The following SNAP91 variants were observed in gnomAD, a reference collection of about 807,000 sequenced individuals.
The protein encoded by SNAP91 is synaptosome associated protein 91, also known as clathrin coat assembly protein AP180.
In SNAP91, 27 loss-of-function variants were observed where a neutral mutation model predicts 100.3. The ratio of observed to expected loss-of-function variants is 0.27; its 90% confidence interval spans 0.20 to 0.37. SNAP91 has a LOEUF of 0.37. Among genes scored for constraint, SNAP91 ranks in the 10% least tolerant of loss-of-function variants. The pLI is 1.00. For missense variants in SNAP91, 986 were observed against 1,123.7 expected (o/e 0.88, Z 1.75); for synonymous variants, 404 against 398.6 (o/e 1.01, Z -0.16).
intron 7 of SNAP91, among the ~76,000 whole-genome samples, chr6:83,646,172 CA>C (rs1459462118): frequency 6.6e-6 from 1 of 152,138 alleles, no homozygotes; most frequent in Admixed American, 6.5e-5. Context: ...GTGTGTGGCA[CA>C]TCTTACTCTT....
intron 22 of SNAP91, among the ~76,000 whole-genome samples, chr6:83,585,528 C>T (rs900042708): frequency 4.7e-5 from 3 of 63,354 alleles, no homozygotes; most frequent in Non-Finnish European, 8.3e-5. Flanking sequence ...GACCTTGTTG[C>T]TTAAAAAAAA....
intron 7 of SNAP91, among the ~76,000 whole-genome samples, chr6:83,653,753 GA>G (rs1562519443): frequency 1.3e-5 from 2 of 152,180 alleles, no homozygotes; most frequent in Non-Finnish European, 2.9e-5. Context: ...TTAAGGTGCG[GA>G]GAGGGGAAGT....
chr6:83,680,588 T>C (rs2098975196), intron 2 of SNAP91, among the ~76,000 whole-genome samples: 2 of 152,166 alleles, frequency 1.3e-5, no homozygotes, highest in African/African-American at 4.8e-5. Context: ...TTTATAAATT[T>C]TGCATACCAC....
chr6:83,612,806 G>C (rs953132026), intron 11 of SNAP91, among the ~76,000 whole-genome samples: 1 of 149,276 alleles, frequency 6.7e-6, no homozygotes, highest in South Asian at 2.1e-4. Flanking sequence ...CAGGAGAATC[G>C]CTTGAACCTG....
At chr6:83,565,991 T>C (rs537872253) in intron 26 of SNAP91, among the ~76,000 whole-genome samples, 5 of 152,170 alleles carry the variant, frequency 3.3e-5, no homozygotes, top group Non-Finnish European at 7.3e-5. Context: ...TACGCTCATA[T>C]GGAAACTCAT....
chr6:83,647,969 T>A (rs2098019794), intron 7 of SNAP91, among the ~76,000 whole-genome samples: 1 of 152,140 alleles, frequency 6.6e-6, no homozygotes, highest in Admixed American at 6.5e-5. Context: ...CTGACAAAAG[T>A]CACCTCTTAA....
intron 2 of SNAP91, among the ~76,000 whole-genome samples, chr6:83,669,624 C>T (rs1301380732): frequency 1.3e-5 from 2 of 151,950 alleles, no homozygotes; most frequent in East Asian, 3.9e-4. Flanking sequence ...AAAGTTTCCC[C>T]ATACCCTTTA....
chr6:83,656,947 G>A, intron 6 of SNAP91, 82 bp from the exon 7 acceptor site: 1 of 604,270 alleles, frequency 1.7e-6, no homozygotes, highest in East Asian at 3.0e-5. Flanking sequence ...TGTCTCAAAT[G>A]ACTACTAAGA....
intron 2 of SNAP91, among the ~76,000 whole-genome samples, chr6:83,672,640 G>T (rs1364459919): frequency 6.6e-6 from 1 of 152,036 alleles, no homozygotes; most frequent in Non-Finnish European, 1.5e-5. Flanking sequence ...ATGTATAAAA[G>T]ACACTTAGTA....
chr6:83,559,853 T>C (rs974942773), intron 28 of SNAP91, among the ~76,000 whole-genome samples: 1 of 152,152 alleles, frequency 6.6e-6, no homozygotes, highest in African/African-American at 2.4e-5. Flanking sequence ...CCTGAATATC[T>C]GGATGTTCTC....
At chr6:83,638,475 T>C (rs968675424) in intron 8 of SNAP91, among the ~76,000 whole-genome samples, 1 of 152,176 alleles carries the variant, frequency 6.6e-6, no homozygotes, top group Admixed American at 6.5e-5. Flanking sequence ...AGGGAAATTA[T>C]CAGTTAAAGC....
chr6:83,598,608 A>T (rs145448942), intron 16 of SNAP91, among the ~76,000 whole-genome samples: 48 of 152,294 alleles, frequency 3.2e-4, no homozygotes, highest in African/African-American at 1.1e-3. Flanking sequence ...TCAAAAAGGC[A>T]TGTTTTAAAG....
At chr6:83,696,512 G>A (rs2099213673) in intron 2 of SNAP91, among the ~76,000 whole-genome samples, 1 of 152,084 alleles carries the variant, frequency 6.6e-6, no homozygotes, top group African/African-American at 2.4e-5. Flanking sequence ...CTACAACCTT[G>A]GTGTTATTTC....
intron 26 of SNAP91, among the ~76,000 whole-genome samples, chr6:83,562,884 C>T (rs1245616989): frequency 1.3e-5 from 2 of 152,164 alleles, no homozygotes; most frequent in Non-Finnish European, 2.9e-5. Flanking sequence ...TGGATGGCTC[C>T]CCACTTCCCT....
intron 2 of SNAP91, among the ~76,000 whole-genome samples, chr6:83,697,873 T>C (rs1431392313): frequency 1.3e-5 from 2 of 152,058 alleles, no homozygotes; most frequent in African/African-American, 4.8e-5. Context: ...CCTGCTATCA[T>C]GCTATGTTTG....
At chr6:83,624,738 C>A (rs897424715) in intron 8 of SNAP91, among the ~76,000 whole-genome samples, 2 of 152,112 alleles carry the variant, frequency 1.3e-5, no homozygotes, top group Non-Finnish European at 1.5e-5. Flanking sequence ...AAATGCTATC[C>A]TTTGAGGAGG....
intron 26 of SNAP91, among the ~76,000 whole-genome samples, chr6:83,568,852 A>G (rs1801566449): frequency 6.6e-6 from 1 of 152,224 alleles, no homozygotes; most frequent in South Asian, 2.1e-4. Flanking sequence ...GAAAATTTGG[A>G]AACACTGCTT....
At chr6:83,597,702 G>A (rs1048854793) in intron 16 of SNAP91, among the ~76,000 whole-genome samples, 1 of 152,056 alleles carries the variant, frequency 6.6e-6, no homozygotes, top group Admixed American at 6.6e-5. Context: ...GTTTCCCTCA[G>A]CCTGACCTAT....
At chr6:83,676,333 G>C (rs2098896777) in intron 2 of SNAP91, among the ~76,000 whole-genome samples, 1 of 152,014 alleles carries the variant, frequency 6.6e-6, no homozygotes. Context: ...ATAATGTTAT[G>C]AAAAATAAAA....
Sources: gnomAD v4.1 joint callset for allele counts (sites outside exome capture counted in the v4.1 genomes callset) on GRCh38, gnomAD v4.1.1 for gene constraint, MANE v1.5 for transcripts, NCBI Gene and HGNC (gene_info 2026-07-23, HGNC 2026-07-21) for gene names.